The following CNTNAP5 variants were observed in gnomAD, a reference collection of about 807,000 sequenced individuals.
CNTNAP5 encodes contactin associated protein family member 5, also known as contactin-associated protein-like 5.
A neutral mutation model predicts 150.2 loss-of-function variants in CNTNAP5; 72 were observed. The observed-to-expected ratio is 0.48, with a 90% CI of 0.40 to 0.58. The LOEUF is 0.58. CNTNAP5 is among the 20% of genes least tolerant of loss of function. CNTNAP5 has a pLI of 0.00. For synonymous variants in CNTNAP5, 672 were observed against 619.8 expected (o/e 1.08, Z -1.25); for missense variants, 1,636 against 1,626.2 (o/e 1.01, Z -0.10).
chr2:124,674,421 C>G (rs1285384284), intron 13 of CNTNAP5, among the ~76,000 whole-genome samples: 1 of 143,860 alleles, frequency 7.0e-6, no homozygotes, highest in African/African-American at 2.6e-5. Context: ...CCCTCCCTCC[C>G]TCCTCCTCTC....
chr2:124,476,641 T>G (rs1333771683), intron 7 of CNTNAP5, among the ~76,000 whole-genome samples: 1 of 152,122 alleles, frequency 6.6e-6, no homozygotes, highest in Non-Finnish European at 1.5e-5. Context: ...TATCTGACAA[T>G]GATTAAATTC....
chr2:124,389,273 G>T (rs1031025344), intron 3 of CNTNAP5, among the ~76,000 whole-genome samples: 10 of 152,142 alleles, frequency 6.6e-5, no homozygotes, highest in Non-Finnish European at 1.5e-4. Flanking sequence ...ACTGTCTGCT[G>T]CAAATATTAA....
intron 19 of CNTNAP5, among the ~76,000 whole-genome samples, chr2:124,863,353 G>A (rs1028419914): frequency 2.0e-5 from 3 of 152,210 alleles, no homozygotes; most frequent in South Asian, 2.1e-4. Context: ...TACCTTGCCC[G>A]TGATCTGCAC....
intron 7 of CNTNAP5, among the ~76,000 whole-genome samples, chr2:124,499,134 G>A (rs1694218243): frequency 1.3e-5 from 2 of 152,084 alleles, no homozygotes; most frequent in South Asian, 4.1e-4. Flanking sequence ...AAACAATGAG[G>A]ACCAGAGAAA....
At chr2:124,253,027 AT>A (rs1179221220) in intron 3 of CNTNAP5, among the ~76,000 whole-genome samples, 2 of 151,560 alleles carry the variant, frequency 1.3e-5, no homozygotes, top group African/African-American at 2.4e-5. Flanking sequence ...TAAAATATAT[AT>A]TTATTTACAT....
chr2:124,292,887 A>G (rs1256017178), intron 3 of CNTNAP5, among the ~76,000 whole-genome samples: 1 of 152,128 alleles, frequency 6.6e-6, no homozygotes, highest in Non-Finnish European at 1.5e-5. Flanking sequence ...TATAAATTTT[A>G]AACTATAATT....
At chr2:124,201,890 A>G (rs1354627841) in intron 1 of CNTNAP5, among the ~76,000 whole-genome samples, 1 of 152,192 alleles carries the variant, frequency 6.6e-6, no homozygotes, top group African/African-American at 2.4e-5. Context: ...TCTTAGTATC[A>G]ACATTGGCAA....
chr2:124,100,752 C>T (rs560500762), intron 1 of CNTNAP5, among the ~76,000 whole-genome samples: 22 of 151,522 alleles, frequency 1.5e-4, no homozygotes, highest in African/African-American at 5.1e-4. Context: ...GTAATCCCAG[C>T]TACTGGGGAG....
intron 13 of CNTNAP5, among the ~76,000 whole-genome samples, chr2:124,665,293 G>A (rs921158607): frequency 6.6e-6 from 1 of 152,070 alleles, no homozygotes; most frequent in Admixed American, 6.5e-5. Flanking sequence ...TTTTAAATTT[G>A]TAACTCTATT....
At chr2:124,352,466 C>T (rs189158815) in intron 3 of CNTNAP5, among the ~76,000 whole-genome samples, 32 of 152,256 alleles carry the variant, frequency 2.1e-4, no homozygotes, top group African/African-American at 6.5e-4. Context: ...AAAGACAAAA[C>T]AGTGCCTGGA....
chr2:124,856,988 C>T (rs1362269620), intron 19 of CNTNAP5, among the ~76,000 whole-genome samples: 1 of 152,126 alleles, frequency 6.6e-6, no homozygotes, highest in African/African-American at 2.4e-5. Flanking sequence ...ATGGGGCTCA[C>T]AGGAGTGATA....
At chr2:124,446,648 C>T in intron 5 of CNTNAP5, 105 bp from the exon 6 acceptor site, 1 of 1,088,590 alleles carries the variant, frequency 9.2e-7, no homozygotes, top group Non-Finnish European at 1.3e-6. Flanking sequence ...AGACATCATT[C>T]TTTGCCTTTA....
At chr2:124,221,587 C>T (rs577268745) in intron 1 of CNTNAP5, 118 bp from the exon 2 acceptor site, 1 of 684,212 alleles carries the variant, frequency 1.5e-6, no homozygotes, top group East Asian at 2.8e-5. Context: ...AGTACCTGAC[C>T]TTGTTCAGAG....
At chr2:124,221,608 A>G (rs1686318024) in intron 1 of CNTNAP5, 97 bp from the exon 2 acceptor site, 1 of 806,988 alleles carries the variant, frequency 1.2e-6, no homozygotes, top group East Asian at 2.7e-5. Context: ...CAGGTGGTTA[A>G]TAAATGATGG....
chr2:124,742,639 CACACACACACACAT>C (rs1300584440), intron 13 of CNTNAP5, among the ~76,000 whole-genome samples: 1 of 148,402 alleles, frequency 6.7e-6, no homozygotes, highest in Non-Finnish European at 1.5e-5. Flanking sequence ...CACACACACA[CACACACACACACAT>C]ATATATATAT....
At chr2:124,443,027 G>A (rs1692715255) in intron 5 of CNTNAP5, among the ~76,000 whole-genome samples, 1 of 151,940 alleles carries the variant, frequency 6.6e-6, no homozygotes, top group Non-Finnish European at 1.5e-5. Context: ...GGCAGTATTT[G>A]CAAAATTGCC....
At chr2:124,411,099 C>T (rs1335608398) in intron 3 of CNTNAP5, among the ~76,000 whole-genome samples, 1 of 152,182 alleles carries the variant, frequency 6.6e-6, no homozygotes, top group Admixed American at 6.5e-5. Flanking sequence ...ATACTACAAA[C>T]ACCTCTATGC....
intron 11 of CNTNAP5, among the ~76,000 whole-genome samples, chr2:124,607,018 C>T (rs1454187229): frequency 6.6e-6 from 1 of 152,106 alleles, no homozygotes; most frequent in African/African-American, 2.4e-5. Context: ...TTCTATGTGC[C>T]ATATGTGGAT....
chr2:124,670,237 CT>C (rs869103160), intron 13 of CNTNAP5, among the ~76,000 whole-genome samples: 10 of 101,430 alleles, frequency 9.9e-5, no homozygotes, highest in East Asian at 2.3e-4. Context: ...TTCTTTCTTT[CT>C]TTTCTTTCTT....
Sources: allele counts gnomAD v4.1 joint callset (sites outside exome capture counted in the v4.1 genomes callset), GRCh38; gene constraint gnomAD v4.1.1; transcripts MANE v1.5; gene names NCBI Gene and HGNC (gene_info 2026-07-23, HGNC 2026-07-21).